The following EYS variants were observed in gnomAD, a reference collection of about 807,000 sequenced individuals.
The protein encoded by EYS is EGF-like photoreceptor maintenance factor.
EYS carries 250 observed loss-of-function variants against 282.1 expected under a neutral mutation model. The ratio of observed to expected loss-of-function variants is 0.89; its 90% CI spans 0.80 to 0.98. The LOEUF (loss-of-function observed/expected upper bound fraction) is 0.98. Among genes scored for constraint, EYS ranks in the 50% least tolerant of loss-of-function variants. The probability of loss-of-function intolerance (pLI) is 0.00; values close to 1 mark genes in which losing one functional copy is unlikely to be tolerated. For synonymous variants in EYS, 1,355 were observed against 1,282.9 expected (o/e 1.06, Z -1.20); for missense variants, 4,016 against 3,709.0 (o/e 1.08, Z -2.15).
intron 18 of EYS, among the ~76,000 whole-genome samples, chr6:64,889,032 A>C (rs1220832215): frequency 6.6e-6 from 1 of 152,072 alleles, no homozygotes; most frequent in African/African-American, 2.4e-5. Flanking sequence ...AGAAGTTTCA[A>C]AATCTACTTT....
intron 18 of EYS, among the ~76,000 whole-genome samples, chr6:64,891,413 C>G (rs9354188): frequency 6.6e-6 from 1 of 151,800 alleles, no homozygotes; most frequent in Non-Finnish European, 1.5e-5. Context: ...GCTCTCTTCC[C>G]GCTCCCTGTG....
At chr6:65,329,736 T>C (rs183965413) in intron 11 of EYS, 1 of 973,798 alleles carries the variant, frequency 1.0e-6, no homozygotes, top group Non-Finnish European at 1.2e-6. Flanking sequence ...TTAGAATAAA[T>C]AATTATTAGA....
intron 15 of EYS, among the ~76,000 whole-genome samples, chr6:64,930,461 T>TAAAAAAAAAAAAAAAAA (rs55650031): frequency 2.4e-5 from 3 of 123,028 alleles, no homozygotes; most frequent in Non-Finnish European, 3.4e-5. Context: ...ATAAATAAGG[T>TAAAAAAAAAAAAAAAAA]AAAAAAAAAA....
chr6:64,262,148 C>T (rs1767610856), intron 30 of EYS, among the ~76,000 whole-genome samples: 1 of 152,038 alleles, frequency 6.6e-6, no homozygotes, highest in African/African-American at 2.4e-5. Flanking sequence ...GTGCCCATGA[C>T]ATGTGCATTT....
chr6:65,562,758 T>A (rs1020257357), intron 2 of EYS, among the ~76,000 whole-genome samples: 8 of 152,262 alleles, frequency 5.3e-5, no homozygotes, highest in African/African-American at 1.9e-4. Flanking sequence ...ATTTTATTTC[T>A]ATAGTCTGTT....
chr6:65,271,872 C>T (rs1380628018), intron 12 of EYS, among the ~76,000 whole-genome samples: 1 of 152,184 alleles, frequency 6.6e-6, no homozygotes, highest in Non-Finnish European at 1.5e-5. Flanking sequence ...GCGTGAGCCA[C>T]TGCACCCAGC....
At chr6:64,436,588 G>C (rs756109477) in intron 27 of EYS, among the ~76,000 whole-genome samples, 1 of 151,806 alleles carries the variant, frequency 6.6e-6, no homozygotes, top group Non-Finnish European at 1.5e-5. Flanking sequence ...AGTATTTTAG[G>C]AATTTTCCTT....
At chr6:65,209,021 T>C (rs1490892068) in intron 12 of EYS, among the ~76,000 whole-genome samples, 2 of 151,898 alleles carry the variant, frequency 1.3e-5, no homozygotes, top group African/African-American at 2.4e-5. Flanking sequence ...TGAAAATACT[T>C]GCAAATACAA....
chr6:65,174,906 A>G (rs2150229557), intron 12 of EYS, among the ~76,000 whole-genome samples: 1 of 151,388 alleles, frequency 6.6e-6, no homozygotes, highest in Non-Finnish European at 1.5e-5. Context: ...ATATTCACTC[A>G]TGTAAAAATA....
chr6:64,988,861 A>C (rs1770954863), intron 14 of EYS, among the ~76,000 whole-genome samples: 1 of 151,558 alleles, frequency 6.6e-6, no homozygotes, highest in Admixed American at 6.6e-5. Flanking sequence ...ATCAGTGAAG[A>C]AATTATTTTT....
intron 35 of EYS, among the ~76,000 whole-genome samples, chr6:63,947,280 C>A (rs551867042): frequency 7.6e-4 from 115 of 152,032 alleles, no homozygotes; most frequent in Non-Finnish European, 1.2e-3. Flanking sequence ...CTTTTTGTAT[C>A]TCAGTTTTTT....
At chr6:64,468,631 A>T (rs1352925390) in intron 26 of EYS, among the ~76,000 whole-genome samples, 1 of 152,130 alleles carries the variant, frequency 6.6e-6, no homozygotes, top group African/African-American at 2.4e-5. Context: ...CCCAATATGT[A>T]TTTTTTGATC....
At chr6:63,756,054 A>T (rs1251432152) in intron 41 of EYS, among the ~76,000 whole-genome samples, 1 of 152,186 alleles carries the variant, frequency 6.6e-6, no homozygotes, top group African/African-American at 2.4e-5. Context: ...TTTTCTAAAT[A>T]TATAATCATG....
At chr6:64,668,018 A>G (rs1352824490) in intron 22 of EYS, among the ~76,000 whole-genome samples, 1 of 152,200 alleles carries the variant, frequency 6.6e-6, no homozygotes, top group Non-Finnish European at 1.5e-5. Context: ...GTTGGGCGTA[A>G]GAATTTGCAT....
At chr6:65,384,821 A>T (rs1444471079) in intron 7 of EYS, among the ~76,000 whole-genome samples, 1 of 151,868 alleles carries the variant, frequency 6.6e-6, no homozygotes, top group African/African-American at 2.4e-5. Flanking sequence ...AAAACATGAC[A>T]AATGTGATTT....
chr6:65,281,987 A>T (rs2150276004), intron 12 of EYS, among the ~76,000 whole-genome samples: 1 of 152,130 alleles, frequency 6.6e-6, no homozygotes, highest in East Asian at 1.9e-4. Context: ...GCTATTGTGA[A>T]TAGTACTGAA....
rs912454156 is a variant in EYS, at chr6:64,907,838, TA to T, written c.2641+4645del. On this transcript the variant is annotated intron_variant, in intron 16 of 42. Coordinates refer to ENST00000503581, the MANE Select transcript of EYS (RefSeq NM_001142800.2). The stretch of plus-strand genomic sequence containing the variant: ...AGCTTGGGTTGTTCCAAAAATAAAA[TA>T]AAAAAAAAAGTCTGAGATAATGATT... Among the ~76,000 whole-genome samples, 897 of 146,242 alleles carry T rather than the reference TA, an allele frequency of 6.1e-3. 5 individuals are homozygous for T. The highest frequency in any genetic ancestry group is 0.021 in the African/African-American group (836 of 39,864).
At chr6:65,060,251 G>A (rs1306882327) in intron 12 of EYS, among the ~76,000 whole-genome samples, 1 of 148,302 alleles carries the variant, frequency 6.7e-6, no homozygotes, top group South Asian at 2.1e-4. Context: ...TTTCAAATTT[G>A]ACACTTTAAA....
At chr6:65,542,402 T>C (rs1222854492) in intron 2 of EYS, among the ~76,000 whole-genome samples, 1 of 152,100 alleles carries the variant, frequency 6.6e-6, no homozygotes, top group African/African-American at 2.4e-5. Context: ...AAATACCTAA[T>C]ATTCTTTTCC....
Sources: gnomAD v4.1 joint callset for allele counts (sites outside exome capture counted in the v4.1 genomes callset) on GRCh38, gnomAD v4.1.1 for gene constraint, MANE v1.5 for transcripts, NCBI Gene and HGNC (gene_info 2026-07-23, HGNC 2026-07-21) for gene names.